The following TLE1 variants were observed in gnomAD, a reference collection of about 807,000 sequenced individuals.
The protein encoded by TLE1 is transducin-like enhancer protein 1.
TLE1 carries 21 observed loss-of-function variants against 89.8 expected under a neutral mutation model. The ratio of observed to expected loss-of-function variants is 0.23; its 90% CI spans 0.17 to 0.34. The LOEUF is 0.34. Among genes scored for constraint, TLE1 ranks in the 10% least tolerant of loss-of-function variants. TLE1 has a pLI of 1.00. For synonymous variants in TLE1, 447 were observed against 407.6 expected (o/e 1.10, Z -1.16); for missense variants, 795 against 1,031.2 (o/e 0.77, Z 3.14).
intron 8 of TLE1, among the ~76,000 whole-genome samples, chr9:81,622,990 G>A (rs1825468076): frequency 6.6e-6 from 1 of 152,148 alleles, no homozygotes; most frequent in Non-Finnish European, 1.5e-5. Context: ...AGTTTTCTGT[G>A]TATAATTGCC....
chr9:81,620,746 T>A, intron 8 of TLE1, 189 bp from the exon 9 acceptor site: 1 of 985,412 alleles, frequency 1.0e-6, no homozygotes, highest in Non-Finnish European at 1.2e-6. Context: ...AGGGAGACCC[T>A]GACTTTGCAA....
At position 81,614,499 on chromosome 9, in the gene TLE1, A is replaced by C. The variant is rs189587159; in HGVS notation, c.919-978T>G. On this transcript the variant is annotated intron_variant, in intron 11 of 19. Coordinates refer to ENST00000376499, the MANE Select transcript of TLE1 (RefSeq NM_005077.5). The stretch of plus-strand genomic sequence containing the variant: ...CCTTTCAACCTTTCATGTGCTTTAC[A>C]ACACAGTCCAAGAACCACTACAGCG... Among the ~76,000 whole-genome samples, 166 of 152,226 alleles carry C rather than the reference A, an allele frequency of 1.1e-3. 4 individuals carry two copies. The South Asian group carries it at 0.024, about 22-fold the overall frequency.
chr9:81,685,806 G>C, intron 3 of TLE1, 27 bp downstream of exon 3: 1 of 1,613,568 alleles, frequency 6.2e-7, no homozygotes, highest in Non-Finnish European at 8.5e-7. Context: ...ATATGAAAAA[G>C]GAAAAAGTCC....
chr9:81,606,945 C>A (rs1253658468), intron 14 of TLE1, among the ~76,000 whole-genome samples: 6 of 151,372 alleles, frequency 4.0e-5, no homozygotes, highest in Admixed American at 3.3e-4. Context: ...TATTTTAGGC[C>A]AGGCATGGTG....
At chr9:81,683,957 T>A (rs928287782) in intron 4 of TLE1, among the ~76,000 whole-genome samples, 8 of 152,020 alleles carry the variant, frequency 5.3e-5, no homozygotes, top group African/African-American at 1.9e-4. Context: ...CCAGAAGAAT[T>A]ACACACCTCT....
intron 4 of TLE1, among the ~76,000 whole-genome samples, chr9:81,674,489 T>C (rs1294730615): frequency 6.6e-6 from 1 of 152,128 alleles, no homozygotes; most frequent in African/African-American, 2.4e-5. Context: ...CCACCCAAGG[T>C]CCCTGAGGCC....
chr9:81,593,836 T>C (rs1204154218), intron 14 of TLE1, among the ~76,000 whole-genome samples: 2 of 152,222 alleles, frequency 1.3e-5, no homozygotes, highest in Admixed American at 1.3e-4. Flanking sequence ...TTATCTTATA[T>C]GGCTGTAAAC....
intron 4 of TLE1, among the ~76,000 whole-genome samples, chr9:81,659,212 G>A (rs545027523): frequency 7.9e-5 from 12 of 152,164 alleles, no homozygotes; most frequent in East Asian, 1.9e-4. Context: ...CTGGCCTCTC[G>A]TAGTGACTCC....
chr9:81,631,031 C>T (rs1826524351), intron 8 of TLE1, among the ~76,000 whole-genome samples: 1 of 152,134 alleles, frequency 6.6e-6, no homozygotes, highest in South Asian at 2.1e-4. Flanking sequence ...TATACTTGTT[C>T]TGAAAATATT....
intron 4 of TLE1, among the ~76,000 whole-genome samples, chr9:81,672,322 A>T (rs1832325775): frequency 6.7e-6 from 1 of 150,358 alleles, no homozygotes; most frequent in Non-Finnish European, 1.5e-5. Flanking sequence ...CCCTGCAATA[A>T]ATTATTATTA....
chr9:81,584,335 A>C (rs201867558), intron 19 of TLE1, 30 bp from the exon 20 acceptor site: 1 of 1,611,734 alleles, frequency 6.2e-7, no homozygotes, highest in East Asian at 2.2e-5. Context: ...ACATGTGTTT[A>C]ATGTGGAACA....
rs543726514 is a variant in TLE1, at chr9:81,599,302, G to C, written c.1332-6028C>G. Reference sequence around the variant, plus strand: ...TCCAGCTCAGCCCAGCTGCAAAAGTGGAGCTGTTAATCTTTACCTTAGCTT... The same window carrying C: ...TCCAGCTCAGCCCAGCTGCAAAAGTCGAGCTGTTAATCTTTACCTTAGCTT... On this transcript the variant is annotated intron_variant, in intron 14 of 19. Coordinates refer to ENST00000376499, the MANE Select transcript of TLE1 (RefSeq NM_005077.5). 3.3e-5 allele frequency among the ~76,000 whole-genome samples: 5 copies of C among 152,216 alleles called. No individual in the cohort carries two copies. The South Asian group carries it at 1.0e-3, about 32-fold the overall frequency.
At chr9:81,632,335 A>T (rs1211111115) in intron 8 of TLE1, among the ~76,000 whole-genome samples, 1 of 152,172 alleles carries the variant, frequency 6.6e-6, no homozygotes, top group Non-Finnish European at 1.5e-5. Flanking sequence ...AGATACATGA[A>T]ATATACCAAG....
chr9:81,594,497 C>T (rs112130718), intron 14 of TLE1, among the ~76,000 whole-genome samples: 61 of 151,988 alleles, frequency 4.0e-4, no homozygotes, highest in African/African-American at 1.4e-3. Context: ...ACAATGAGAT[C>T]GCGCCACTGC....
At chr9:81,652,036 A>G in intron 6 of TLE1, 178 bp downstream of exon 6, 1 of 520,698 alleles carries the variant, frequency 1.9e-6, no homozygotes, top group African/African-American at 1.9e-5. Flanking sequence ...CTCTTCCTCC[A>G]TATACCTTAG....
At chr9:81,651,481 G>A (rs549453420) in intron 6 of TLE1, among the ~76,000 whole-genome samples, 12 of 152,212 alleles carry the variant, frequency 7.9e-5, no homozygotes, top group South Asian at 4.2e-4. Context: ...GCAGAACCCC[G>A]GTGAAAAGCC....
At chr9:81,595,429 T>C (rs1413902217) in intron 14 of TLE1, among the ~76,000 whole-genome samples, 3 of 152,126 alleles carry the variant, frequency 2.0e-5, no homozygotes, top group Non-Finnish European at 4.4e-5. Flanking sequence ...GTAGCCAAGT[T>C]CTATGACTCA....
At chr9:81,655,460 A>C (rs1484105617) in intron 4 of TLE1, among the ~76,000 whole-genome samples, 1 of 152,124 alleles carries the variant, frequency 6.6e-6, no homozygotes, top group Non-Finnish European at 1.5e-5. Flanking sequence ...CAAGAGAGGG[A>C]ACAGAGGGTA....
intron 5 of TLE1, among the ~76,000 whole-genome samples, chr9:81,653,147 G>C (rs1428467832): frequency 6.6e-6 from 1 of 152,196 alleles, no homozygotes. Flanking sequence ...TGTCATATCA[G>C]ACAGACAAAG....
Sources: gnomAD v4.1 joint callset for allele counts (sites outside exome capture counted in the v4.1 genomes callset) on GRCh38, gnomAD v4.1.1 for gene constraint, MANE v1.5 for transcripts, NCBI Gene and HGNC (gene_info 2026-07-23, HGNC 2026-07-21) for gene names.